MITF: variants seen among roughly 807,000 people sequenced by gnomAD.
The protein encoded by MITF is melanocyte inducing transcription factor, also known as microphthalmia-associated transcription factor.
MITF carries 17 observed loss-of-function variants against 60.5 expected under a neutral mutation model. The ratio of observed to expected loss-of-function variants is 0.28; its 90% CI spans 0.19 to 0.42. The LOEUF (loss-of-function observed/expected upper bound fraction) is 0.42, where lower values mean the gene tolerates loss of function less well. Ranked by LOEUF, MITF falls within the 10% of genes least tolerant of loss-of-function variation. MITF has a pLI of 1.00. For synonymous variants in MITF, 260 were observed against 248.5 expected (o/e 1.05, Z -0.43); for missense variants, 622 against 683.5 (o/e 0.91, Z 1.00).
chr3:69,840,770 T>C (rs1166069786), intron 1 of MITF, among the ~76,000 whole-genome samples: 6 of 151,684 alleles, frequency 4.0e-5, no homozygotes, highest in Non-Finnish European at 7.4e-5. Flanking sequence ...TTTTTTTTTT[T>C]TGAAACAGAA....
chr3:69,871,303 T>C (rs2064231434), intron 1 of MITF, among the ~76,000 whole-genome samples: 1 of 152,232 alleles, frequency 6.6e-6, no homozygotes. Flanking sequence ...CTTGATTGTC[T>C]TGGGGCACAA....
intron 2 of MITF, chr3:69,936,518 G>A (rs571628146): frequency 7.8e-7 from 1 of 1,274,260 alleles, no homozygotes; most frequent in East Asian, 2.7e-5. Flanking sequence ...AGGCCCTTAT[G>A]TGAACGTTTT....
chr3:69,752,082 A>G (rs1428575135), intron 1 of MITF: 4 of 152,240 alleles, frequency 2.6e-5, no homozygotes, highest in Admixed American at 2.6e-4. Context: ...TGCCAGCATC[A>G]TGCTTTCTGT....
At chr3:69,751,945 T>G (rs1703954910) in intron 1 of MITF, 1 of 152,168 alleles carries the variant, frequency 6.6e-6, no homozygotes, top group Non-Finnish European at 1.5e-5. Context: ...ATCTGGTCAT[T>G]TAAAAGTGTG....
At chr3:69,943,203 G>A (rs2066011835) in intron 5 of MITF, among the ~76,000 whole-genome samples, 1 of 150,676 alleles carries the variant, frequency 6.6e-6, no homozygotes, top group Non-Finnish European at 1.5e-5. Flanking sequence ...CACCTGGCCT[G>A]ACCTTCTCTT....
intron 2 of MITF, among the ~76,000 whole-genome samples, chr3:69,929,740 C>T (rs996527042): frequency 8.6e-5 from 13 of 152,002 alleles, no homozygotes; most frequent in African/African-American, 1.9e-4. Context: ...GAAAATACAC[C>T]GTCAGAGTGC....
At chr3:69,743,450 T>C (rs570691437) in intron 1 of MITF, among the ~76,000 whole-genome samples, 30 of 152,346 alleles carry the variant, frequency 2.0e-4, no homozygotes, top group East Asian at 9.6e-4. Context: ...ATATTGTTCA[T>C]TGGGGCTAAC....
At position 69,936,993 on chromosome 3, in the gene MITF, A is replaced by G. The variant is rs73117325; in HGVS notation, c.355-829A>G. Reference sequence around the variant, plus strand: ...CCTAGTGTGTGGCTAAACTATCTTCATCAGCTCCTGTTCATTGCTCATAAG... The same window carrying G: ...CCTAGTGTGTGGCTAAACTATCTTCGTCAGCTCCTGTTCATTGCTCATAAG... On this transcript the variant is annotated intron_variant, in intron 2 of 9. Coordinates refer to ENST00000352241, the MANE Select transcript of MITF (RefSeq NM_001354604.2). 7.2e-3 allele frequency: 3,016 copies of G among 417,404 alleles called. 23 individuals carry two copies. The highest frequency in any genetic ancestry group is 0.022 in the Middle Eastern group (34 of 1,562). 25.9% of individuals were successfully genotyped at this position (417,404 alleles called of 1,614,324 possible). A position where few individuals can be genotyped will look rare whatever the true frequency, so the allele number is the denominator to read the frequency against.
At chr3:69,944,184 A>T (rs2066037769) in intron 5 of MITF, among the ~76,000 whole-genome samples, 2 of 152,144 alleles carry the variant, frequency 1.3e-5, no homozygotes, top group Admixed American at 1.3e-4. Context: ...TTCCTTCATT[A>T]TCTCGTTGTT....
chr3:69,818,782 A>G (rs1426214385), intron 1 of MITF, among the ~76,000 whole-genome samples: 1 of 152,210 alleles, frequency 6.6e-6, no homozygotes, highest in Non-Finnish European at 1.5e-5. Flanking sequence ...ATTTTCATAA[A>G]ATATTGAGAG....
At chr3:69,764,059 G>C in intron 1 of MITF, 2 of 810,974 alleles carry the variant, frequency 2.5e-6, no homozygotes, top group South Asian at 1.8e-5. Context: ...TAAATGGCTA[G>C]ATTGCTTTCT....
intron 2 of MITF, among the ~76,000 whole-genome samples, chr3:69,907,149 T>C (rs1399310467): frequency 2.0e-5 from 3 of 152,170 alleles, no homozygotes; most frequent in Non-Finnish European, 4.4e-5. Flanking sequence ...CTAATCGCTA[T>C]GCTACAGTAC....
chr3:69,864,435 A>C (rs929458788), intron 1 of MITF, among the ~76,000 whole-genome samples: 1 of 152,086 alleles, frequency 6.6e-6, no homozygotes, highest in African/African-American at 2.4e-5. Context: ...TTTCTCCTCT[A>C]ATCGTATTTA....
chr3:69,933,996 G>A (rs1575995679), intron 2 of MITF, among the ~76,000 whole-genome samples: 1 of 152,134 alleles, frequency 6.6e-6, no homozygotes, highest in African/African-American at 2.4e-5. Context: ...AGGGAGTTTG[G>A]ACAGGGTTAG....
At chr3:69,821,232 G>GT (rs1439558937) in intron 1 of MITF, among the ~76,000 whole-genome samples, 2 of 152,176 alleles carry the variant, frequency 1.3e-5, no homozygotes, top group African/African-American at 4.8e-5. Context: ...GAATTCAGAA[G>GT]TGTAGGTCAG....
intron 2 of MITF, among the ~76,000 whole-genome samples, chr3:69,921,202 A>G (rs982617796): frequency 2.0e-5 from 3 of 152,208 alleles, no homozygotes; most frequent in African/African-American, 7.2e-5. Flanking sequence ...AGAATTTGGG[A>G]GAGTAAGGAG....
intron 5 of MITF, among the ~76,000 whole-genome samples, chr3:69,943,898 C>T (rs1005109813): frequency 6.6e-6 from 1 of 151,926 alleles, no homozygotes; most frequent in African/African-American, 2.4e-5. Context: ...GGAGATCAGC[C>T]TAGGCAACTT....
intron 1 of MITF, among the ~76,000 whole-genome samples, chr3:69,869,393 C>A (rs550136486): frequency 1.1e-4 from 17 of 152,158 alleles, no homozygotes; most frequent in Admixed American, 3.9e-4. Context: ...GACATGGTGG[C>A]AGAAGGTTTA....
chr3:69,928,846 C>T (rs2065651521), intron 2 of MITF, among the ~76,000 whole-genome samples: 1 of 152,172 alleles, frequency 6.6e-6, no homozygotes, highest in South Asian at 2.1e-4. Flanking sequence ...TAGGGGTCTA[C>T]AGCTAGAGGT....
Sources: allele counts gnomAD v4.1 joint callset (sites outside exome capture counted in the v4.1 genomes callset), GRCh38; gene constraint gnomAD v4.1.1; transcripts MANE v1.5; gene names NCBI Gene and HGNC (gene_info 2026-07-23, HGNC 2026-07-21).